Variants in FBN2 observed in about 807,000 individuals in gnomAD.
The protein encoded by FBN2 is fibrillin-2.
FBN2 carries 105 observed loss-of-function variants against 355.6 expected under a neutral mutation model. The observed-to-expected ratio is 0.30, with a 90% CI of 0.25 to 0.35. The LOEUF (loss-of-function observed/expected upper bound fraction) is 0.35. FBN2 is among the 10% of genes least tolerant of loss of function. The pLI is 1.00. For synonymous variants in FBN2, 1,350 were observed against 1,301.2 expected, an observed-to-expected ratio of 1.04 and a Z score of -0.81; for missense variants, 3,280 against 3,758.7, an observed-to-expected ratio of 0.87 and a Z score of 3.33.
intron 4 of FBN2, among the ~76,000 whole-genome samples, chr5:128,519,949 G>A (rs1310260915): frequency 1.3e-5 from 2 of 152,030 alleles, no homozygotes; most frequent in Non-Finnish European, 2.9e-5. Context: ...TACCATCAAC[G>A]TTAGCTATAA....
chr5:128,369,337 A>G lies in FBN2; in HGVS notation c.2096-3T>C. The stretch of plus-strand genomic sequence containing the variant: ...GCAGGTACTGCGCATGTGAGTATCT[A>G]AAGGAGATACAAAAACAATGACTTG... On this transcript the variant is annotated splice_polypyrimidine_tract_variant and splice_region_variant and intron_variant, in intron 15 of 64. Transcript: ENST00000262464. The G allele has an allele frequency of 6.2e-7, 1 of 1,613,960 alleles. No homozygotes were observed. Among genetic ancestry groups the G allele is most frequent in the Non-Finnish European group, 8.5e-7 (1 of 1,179,892 alleles).
intron 49 of FBN2, among the ~76,000 whole-genome samples, chr5:128,291,274 T>C (rs995597536): frequency 1.3e-5 from 2 of 152,090 alleles, no homozygotes; most frequent in African/African-American, 4.8e-5. Context: ...AAAATTAACA[T>C]AGTCATTCTG....
chr5:128,417,088 A>T (rs1402584876), intron 7 of FBN2, among the ~76,000 whole-genome samples: 1 of 151,982 alleles, frequency 6.6e-6, no homozygotes, highest in Non-Finnish European at 1.5e-5. Context: ...ATTTATTCTT[A>T]AGTATTTTAT....
chr5:128,334,517 C>T (rs978548483), intron 31 of FBN2, among the ~76,000 whole-genome samples: 5 of 152,122 alleles, frequency 3.3e-5, no homozygotes, highest in African/African-American at 9.7e-5. Context: ...GCCAGCCCCA[C>T]GGTGGGTGGC....
At chr5:128,267,904 C>T (rs6889604) in intron 62 of FBN2, among the ~76,000 whole-genome samples, 5 of 152,140 alleles carry the variant, frequency 3.3e-5, no homozygotes, top group Middle Eastern at 3.2e-3. Flanking sequence ...AAATTTATAG[C>T]GCTAAATGCC....
chr5:128,519,645 C>T (rs1327271446), intron 4 of FBN2, among the ~76,000 whole-genome samples: 1 of 151,630 alleles, frequency 6.6e-6, no homozygotes, highest in African/African-American at 2.4e-5. Flanking sequence ...TAATCAGAAT[C>T]ATATTCGCTG....
chr5:128,353,854 C>G (rs1366409446), intron 20 of FBN2, among the ~76,000 whole-genome samples: 1 of 152,152 alleles, frequency 6.6e-6, no homozygotes, highest in Non-Finnish European at 1.5e-5. Context: ...GACTCCAAAG[C>G]CCTCACTCTG....
At chr5:128,307,880 T>C (rs550815251) in intron 41 of FBN2, among the ~76,000 whole-genome samples, 19 of 152,246 alleles carry the variant, frequency 1.2e-4, no homozygotes, top group African/African-American at 3.8e-4. Flanking sequence ...AACAGTATTA[T>C]ATAAAACTTA....
chr5:128,336,094 C>T lies in FBN2; in HGVS notation c.3618G>A (p.Leu1206=). 1 of 1,613,466 alleles carries T rather than the reference C, an allele frequency of 6.2e-7. No homozygotes were observed. Among genetic ancestry groups the T allele is most frequent in the Non-Finnish European group, 8.5e-7 (1 of 1,179,508 alleles). Residue 1206 remains leucine (L), a synonymous_variant, in exon 28 of 65, where the codon CTG becomes CTA. Transcript: ENST00000262464. The part of the protein sequence containing the change: ...EDCVDINECS[L]SDNLCRNGKC... The stretch of plus-strand genomic sequence containing the variant: ...TTCCATTTCTGCAGAGATTGTCACT[C>T]AGGGAGCATTCATTAATATCTATAA...
chr5:128,285,624 T>C (rs902148261), intron 55 of FBN2, among the ~76,000 whole-genome samples: 7 of 146,388 alleles, frequency 4.8e-5, no homozygotes, highest in African/African-American at 1.5e-4. Flanking sequence ...CTATCAATCA[T>C]GCAGACTAAG....
At position 128,309,282 on chromosome 5, in the gene FBN2, T is replaced by G. The variant is rs954566860; in HGVS notation, c.5318A>C (p.Asn1773Thr). ...AGTTGGGCATGGTTCACAAGGTTTG[T>G]TCCAGGCTTTGCCCACATTATATGT... ...CCTYNVGKAW[N>T]KPCEPCPTPG... Residue 1773 changes from asparagine (N) to threonine (T), a missense_variant, in exon 41 of 65, where the codon AAC (asparagine) becomes ACC (threonine). By Grantham distance (65) the Asn-to-Thr change is moderately conservative (BLOSUM62 0). Around this residue, in one of 6 missense-constraint regions of FBN2, gnomAD observed 2,284 missense variants for 2,749.5 expected, o/e 0.83. Coordinates refer to ENST00000262464, the MANE Select transcript of FBN2 (RefSeq NM_001999.4). 2 of 1,614,140 alleles carry G rather than the reference T, an allele frequency of 1.2e-6. No homozygotes were observed. Among genetic ancestry groups the G allele is most frequent in the Non-Finnish European group, 1.7e-6 (2 of 1,179,990 alleles).
intron 59 of FBN2, among the ~76,000 whole-genome samples, chr5:128,275,704 GAGAAATAAAA>G (rs1392801114): frequency 3.3e-5 from 5 of 152,064 alleles, no homozygotes; most frequent in African/African-American, 4.8e-5. Flanking sequence ...AGGTAGCTTA[GAGAAATAAAA>G]GCTTAGATAA....
intron 38 of FBN2, 40 bp downstream of exon 38, chr5:128,311,845 T>C: frequency 6.8e-7 from 1 of 1,468,348 alleles, no homozygotes; most frequent in Non-Finnish European, 9.5e-7. Flanking sequence ...AATTAACTCT[T>C]TACCTTGTTT....
chr5:128,274,712 C>G lies in FBN2; in HGVS notation c.7595-29G>C, dbSNP rs947038788. On this transcript the variant is annotated intron_variant, in intron 59 of 64. Transcript: ENST00000262464. ...AAATTAGAGAGAAGCCAGTGAAAAT[C>G]ACAGTAGACTATCTGGCTATGTTTC... The G allele has an allele frequency of 3.2e-6, 4 of 1,267,414 alleles. No individual in the cohort carries two copies. In the African/African-American group the frequency reaches 5.9e-5, roughly 19 times the overall value. The allele number at this position is 1,267,414 out of a possible 1,614,324, so 78.5% of individuals were successfully genotyped here.
At chr5:128,294,279 A>C (rs939325945) in intron 48 of FBN2, among the ~76,000 whole-genome samples, 1 of 151,872 alleles carries the variant, frequency 6.6e-6, no homozygotes, top group Admixed American at 6.6e-5. Context: ...GCTATTGTGA[A>C]TAATGCCGCA....
In FBN2 at chr5:128,344,433, G is replaced by A. The variant is rs755510043; in HGVS notation, c.3295C>T (p.Arg1099Cys). Residue 1099 changes from arginine to cysteine, a missense_variant, in exon 25 of 65, where the codon CGT becomes TGT. Physicochemically the swap from Arg to Cys is radical, Grantham distance 180 (BLOSUM62 -3). Transcript: ENST00000262464. ...TCTAGAGCAAAGCCACTATTGCAAC[G>A]GCATTTGAAGCTTCCGATTGTATTT... The part of the protein sequence containing the change: ...CRNTIGSFKC[R>C]CNSGFALDME... 4.3e-6 allele frequency: 7 copies of A among 1,613,492 alleles called. No homozygotes were observed. Among genetic ancestry groups the A allele is most frequent in the Admixed American group, 3.3e-5 (2 of 60,002 alleles).
In FBN2 at chr5:128,312,740, C is replaced by T. The variant is rs753387547; in HGVS notation, c.4773G>A (p.Leu1591=). ...CCACCCCGATCTCGGTGTTGCAAGA[C>T]AGACTCCCATCTCCTCGAGGTCCAA... ...LKFGPRGDGS[L]SCNTEIGVGV... Residue 1591 remains leucine, a synonymous_variant, in exon 37 of 65, where the codon CTG becomes CTA. Coordinates refer to ENST00000262464, the MANE Select transcript of FBN2 (RefSeq NM_001999.4). 4 of 1,613,798 alleles carry T rather than the reference C, an allele frequency of 2.5e-6. No homozygotes were observed. The highest frequency in any genetic ancestry group is 3.4e-6 in the Non-Finnish European group (4 of 1,179,972).
chr5:128,363,391 T>A (rs1354170283), intron 18 of FBN2, among the ~76,000 whole-genome samples: 1 of 152,116 alleles, frequency 6.6e-6, no homozygotes, highest in Non-Finnish European at 1.5e-5. Flanking sequence ...GGTTTCACCA[T>A]GTTGGCCAGG....
At chr5:128,325,230 T>C (rs1325118613) in intron 34 of FBN2, among the ~76,000 whole-genome samples, 1 of 152,168 alleles carries the variant, frequency 6.6e-6, no homozygotes, top group African/African-American at 2.4e-5. Context: ...ACTATTATTG[T>C]GTGGGAGTCT....
Sources: allele counts gnomAD v4.1 joint callset (sites outside exome capture counted in the v4.1 genomes callset), GRCh38; gene constraint gnomAD v4.1.1; regional missense constraint gnomAD v4.1.1; transcripts MANE v1.5; gene names NCBI Gene and HGNC (gene_info 2026-07-23, HGNC 2026-07-21).